Variants in KALRN observed in about 807,000 individuals in gnomAD.
KALRN encodes the protein kalirin.
KALRN carries 70 observed loss-of-function variants against 353.7 expected under a neutral mutation model. The ratio of observed to expected loss-of-function variants is 0.20; its 90% confidence interval spans 0.16 to 0.24. The LOEUF (loss-of-function observed/expected upper bound fraction) is 0.24, where lower values mean the gene tolerates loss of function less well. Among genes scored for constraint, KALRN ranks in the 10% least tolerant of loss-of-function variants. The pLI is 1.00. For missense variants in KALRN, 2,791 were observed against 3,756.7 expected, an observed-to-expected ratio of 0.74 and a Z score of 6.72; for synonymous variants, 1,391 against 1,434.8, an observed-to-expected ratio of 0.97 and a Z score of 0.69.
At position 124,650,957 on chromosome 3, in the gene KALRN, T is replaced by C; in HGVS notation, c.5795+19T>C. ...GCAGGATGTAAGTGGCTTCCCCAGTTCCTCCCTGTGGTGCACATGTGAGTG... is the reference window on the plus strand; with the variant it reads ...GCAGGATGTAAGTGGCTTCCCCAGTCCCTCCCTGTGGTGCACATGTGAGTG... On this transcript the variant is annotated intron_variant, in intron 38 of 59. Transcript: ENST00000682506. The C allele has an allele frequency of 6.2e-7, 1 of 1,613,454 alleles. No homozygotes were observed. Among genetic ancestry groups the C allele is most frequent in the Non-Finnish European group, 8.5e-7 (1 of 1,179,876 alleles).
intron 25 of KALRN, among the ~76,000 whole-genome samples, chr3:124,473,521 T>C (rs1445532000): frequency 6.6e-6 from 1 of 152,220 alleles, no homozygotes; most frequent in East Asian, 1.9e-4. Flanking sequence ...AAAAGTTGCA[T>C]GTTCTACATA....
At chr3:124,468,625 G>T (rs923821679) in intron 25 of KALRN, among the ~76,000 whole-genome samples, 1 of 152,198 alleles carries the variant, frequency 6.6e-6, no homozygotes, top group Admixed American at 6.5e-5. Context: ...AAGCCCGAAA[G>T]AAATCGTTAA....
intron 6 of KALRN, among the ~76,000 whole-genome samples, chr3:124,322,281 T>G (rs1204772434): frequency 1.3e-5 from 2 of 152,142 alleles, no homozygotes; most frequent in Non-Finnish European, 2.9e-5. Context: ...CATTACTTAC[T>G]CAGAAATGGA....
intron 1 of KALRN, among the ~76,000 whole-genome samples, chr3:124,148,330 A>G (rs976522822): frequency 2.6e-5 from 4 of 152,214 alleles, no homozygotes; most frequent in Non-Finnish European, 5.9e-5. Context: ...GCACCAGTTT[A>G]TGAGAGGAAT....
chr3:124,546,538 C>T (rs1291003443), intron 33 of KALRN, among the ~76,000 whole-genome samples: 2 of 152,048 alleles, frequency 1.3e-5, no homozygotes, highest in Non-Finnish European at 2.9e-5. Flanking sequence ...CATATGGACT[C>T]CAATATAGAA....
intron 1 of KALRN, among the ~76,000 whole-genome samples, chr3:124,150,031 C>T (rs2067882023): frequency 6.6e-6 from 1 of 152,210 alleles, no homozygotes; most frequent in Non-Finnish European, 1.5e-5. Context: ...TGAACTACAG[C>T]CACTGGCTGA....
At chr3:124,328,813 G>A (rs759565788) in intron 7 of KALRN, among the ~76,000 whole-genome samples, 1 of 152,164 alleles carries the variant, frequency 6.6e-6, no homozygotes, top group Non-Finnish European at 1.5e-5. Flanking sequence ...GATCAGAAGC[G>A]ATTTTATTTG....
chr3:124,711,230 C>T (rs1318607670), intron 57 of KALRN, among the ~76,000 whole-genome samples: 1 of 151,912 alleles, frequency 6.6e-6, no homozygotes, highest in Non-Finnish European at 1.5e-5. Flanking sequence ...CTATGTTGTC[C>T]AGGCTAGTCT....
intron 33 of KALRN, among the ~76,000 whole-genome samples, chr3:124,530,199 T>C (rs897137064): frequency 6.6e-6 from 1 of 152,140 alleles, no homozygotes; most frequent in Admixed American, 6.6e-5. Context: ...ATAAAAGGGA[T>C]AGAAAATATC....
In KALRN at chr3:124,246,521, C is replaced by A. The variant is rs568255925; in HGVS notation, c.263+11578C>A. Among the ~76,000 whole-genome samples, 6 of 150,846 alleles carry A rather than the reference C, an allele frequency of 4.0e-5. No homozygotes were observed. In the South Asian group the frequency reaches 1.2e-3, roughly 31 times the overall value. ...CTCTGGATGTGTTTCAGCTCCTTGG[C>A]TGGTTGTGTAGTCAGTTCTGGCATG... On this transcript the variant is annotated intron_variant, in intron 3 of 59. Coordinates refer to ENST00000682506, the MANE Select transcript of KALRN (RefSeq NM_001388419.1).
chr3:124,571,257 G>A (rs1342330663), intron 34 of KALRN, among the ~76,000 whole-genome samples: 2 of 152,192 alleles, frequency 1.3e-5, no homozygotes, highest in Non-Finnish European at 2.9e-5. Flanking sequence ...AGAACAAAAT[G>A]TTTTTAATTA....
At chr3:124,525,431 G>T (rs1031505091) in intron 33 of KALRN, among the ~76,000 whole-genome samples, 2 of 152,098 alleles carry the variant, frequency 1.3e-5, no homozygotes, top group Non-Finnish European at 2.9e-5. Context: ...CTGCTGGGTG[G>T]TTGTTATGGC....
chr3:124,084,117 C>G (rs1282472691), intron 1 of KALRN, among the ~76,000 whole-genome samples: 2 of 152,238 alleles, frequency 1.3e-5, no homozygotes, highest in Non-Finnish European at 2.9e-5. Context: ...TGGCCGACCT[C>G]TGCTGGTGCT....
chr3:124,553,800 T>C (rs2070849886), intron 33 of KALRN, among the ~76,000 whole-genome samples: 1 of 152,206 alleles, frequency 6.6e-6, no homozygotes, highest in African/African-American at 2.4e-5. Flanking sequence ...GACAGGACAG[T>C]TGGACAGTTA....
rs540920510 is a variant in KALRN at position 124,563,026 on chromosome 3, G to A, written c.5119G>A (p.Ala1707Thr). ...CTTGGAGGGTCTGGTCCCCAGCAGC[G>A]CCCTGTGCATCTCACACTCCCGAAG... ...PPLEGLVPSS[A>T]LCISHSRSSV... The change falls in exon 34 of 60, where the codon GCC becomes ACC. Residue 1707 changes from alanine (A) to threonine (T), a missense_variant. By Grantham distance (58) the Ala-to-Thr change is moderately conservative. This residue lies in a region of KALRN where 239 missense variants were observed against 351.3 expected (regional missense o/e 0.68). Coordinates refer to ENST00000682506, the MANE Select transcript of KALRN (RefSeq NM_001388419.1). 31 of 1,367,866 alleles carry A rather than the reference G, an allele frequency of 2.3e-5. No homozygotes were observed. The highest frequency in any genetic ancestry group is 4.5e-5 in the East Asian group (1 of 21,994). 84.7% of individuals were successfully genotyped at this position (1,367,866 alleles called of 1,614,324 possible).
At chr3:124,104,997 G>A (rs934366361) in intron 1 of KALRN, among the ~76,000 whole-genome samples, 1 of 152,116 alleles carries the variant, frequency 6.6e-6, no homozygotes, top group Non-Finnish European at 1.5e-5. Context: ...AGGGAGCAAG[G>A]GTCATGGGGA....
At chr3:124,602,857 C>T (rs6776396) in intron 34 of KALRN, among the ~76,000 whole-genome samples, 30,472 of 152,140 alleles carry the variant, frequency 0.2, 3,257 homozygotes, top group Middle Eastern at 0.27. Flanking sequence ...TTAAATGATT[C>T]TCCCAAGAGT....
At chr3:124,657,709 T>C in intron 40 of KALRN, 25 bp from the exon 41 acceptor site, 1 of 1,579,550 alleles carries the variant, frequency 6.3e-7, no homozygotes. Flanking sequence ...GTGGCTTCCT[T>C]CTCTTATCCC....
intron 33 of KALRN, among the ~76,000 whole-genome samples, chr3:124,552,787 T>G (rs1300827876): frequency 6.6e-6 from 1 of 152,194 alleles, no homozygotes; most frequent in Admixed American, 6.5e-5. Context: ...TTTTTTGAGA[T>G]GGAGTTTCAC....
Sources: gnomAD v4.1 joint callset for allele counts (sites outside exome capture counted in the v4.1 genomes callset) on GRCh38, gnomAD v4.1.1 for gene constraint, gnomAD v4.1.1 regional missense constraint, MANE v1.5 for transcripts, NCBI Gene and HGNC (gene_info 2026-07-23, HGNC 2026-07-21) for gene names.